Variants in RNF182 observed in about 807,000 individuals in gnomAD.
The protein encoded by RNF182 is ring finger protein 182.
RNF182 carries 15 observed loss-of-function variants against 14.4 expected under a neutral mutation model. The observed-to-expected ratio is 1.04, with a 90% confidence interval of 0.70 to 1.60. RNF182 has a LOEUF of 1.60. Ranked by LOEUF, RNF182 falls within the 40% of genes most tolerant of loss-of-function variation. RNF182 has a pLI of 0.00. For missense variants in RNF182, 268 were observed against 294.8 expected, an observed-to-expected ratio of 0.91 and a Z score of 0.67; for synonymous variants, 128 against 122.9, an observed-to-expected ratio of 1.04 and a Z score of -0.27.
intron 1 of RNF182, among the ~76,000 whole-genome samples, chr6:13,957,660 T>C (rs1759763846): frequency 6.6e-6 from 1 of 152,236 alleles, no homozygotes; most frequent in South Asian, 2.1e-4. Flanking sequence ...TTTTGGTTTG[T>C]GACTTTGTTT....
At chr6:13,956,247 G>A (rs372416095) in intron 1 of RNF182, among the ~76,000 whole-genome samples, 4 of 149,626 alleles carry the variant, frequency 2.7e-5, no homozygotes, top group African/African-American at 9.8e-5. Flanking sequence ...GTGACCAGCT[G>A]TCTGTTTTTA....
intron 1 of RNF182, among the ~76,000 whole-genome samples, chr6:13,932,832 A>G (rs563902866): frequency 1.3e-5 from 2 of 152,360 alleles, no homozygotes; most frequent in South Asian, 4.1e-4. Flanking sequence ...CTAAAAAGTA[A>G]TAATACAAGT....
intron 1 of RNF182, among the ~76,000 whole-genome samples, chr6:13,971,186 C>T (rs1334365913): frequency 6.6e-6 from 1 of 152,102 alleles, no homozygotes; most frequent in Non-Finnish European, 1.5e-5. Flanking sequence ...ATTCCCACAT[C>T]AAGGGTGGAG....
chr6:13,943,282 CTTTT>C (rs79895436), intron 1 of RNF182, among the ~76,000 whole-genome samples: 1 of 142,950 alleles, frequency 7.0e-6, no homozygotes, highest in African/African-American at 2.6e-5. Context: ...GTGGTTCCTG[CTTTT>C]TTTTTTTTTC....
At chr6:13,935,741 A>C (rs1211130111) in intron 1 of RNF182, among the ~76,000 whole-genome samples, 1 of 152,220 alleles carries the variant, frequency 6.6e-6, no homozygotes, top group African/African-American at 2.4e-5. Flanking sequence ...CATTGAATAC[A>C]TACTACAAAA....
At chr6:13,942,203 T>G (rs1759315503) in intron 1 of RNF182, among the ~76,000 whole-genome samples, 1 of 152,200 alleles carries the variant, frequency 6.6e-6, no homozygotes, top group Non-Finnish European at 1.5e-5. Flanking sequence ...TGTGCCTTTT[T>G]CCTCTGTGTG....
At chr6:13,970,809 AG>A (rs1274047111) in intron 1 of RNF182, among the ~76,000 whole-genome samples, 1 of 152,230 alleles carries the variant, frequency 6.6e-6, no homozygotes, top group African/African-American at 2.4e-5. Context: ...ATATGGAAAA[AG>A]TAAGTTGATC....
At chr6:13,956,588 G>GTGCTGGGA (rs1759738055) in intron 1 of RNF182, among the ~76,000 whole-genome samples, 1 of 152,080 alleles carries the variant, frequency 6.6e-6, no homozygotes, top group African/African-American at 2.4e-5. Context: ...GCCTCCCAGA[G>GTGCTGGGA]TGCTGGGATT....
chr6:13,964,646 TG>T (rs984110639), intron 1 of RNF182, among the ~76,000 whole-genome samples: 10 of 152,006 alleles, frequency 6.6e-5, no homozygotes, highest in African/African-American at 2.4e-4. Flanking sequence ...GGGGAGCAGA[TG>T]GGGGATTCCT....
chr6:13,955,126 G>T (rs1759694919), intron 1 of RNF182, among the ~76,000 whole-genome samples: 1 of 152,160 alleles, frequency 6.6e-6, no homozygotes, highest in Non-Finnish European at 1.5e-5. Flanking sequence ...AAATAGTTTT[G>T]GCTTTGAGGG....
intron 1 of RNF182, among the ~76,000 whole-genome samples, chr6:13,936,862 G>A (rs554474822): frequency 2.0e-5 from 3 of 152,206 alleles, no homozygotes; most frequent in Admixed American, 6.5e-5. Context: ...AGGGAACAGG[G>A]CATCATAAAA....
intron 1 of RNF182, among the ~76,000 whole-genome samples, chr6:13,940,484 C>T (rs1402764135): frequency 6.6e-6 from 1 of 152,078 alleles, no homozygotes; most frequent in African/African-American, 2.4e-5. Context: ...TTGATATTTA[C>T]AATCTGTGCC....
intron 1 of RNF182, among the ~76,000 whole-genome samples, chr6:13,947,367 G>A (rs1488964187): frequency 6.6e-6 from 1 of 152,142 alleles, no homozygotes; most frequent in Admixed American, 6.5e-5. Flanking sequence ...ACAAACCATG[G>A]TAGGACTGAT....
rs187994174 is a variant in RNF182 at position 13,976,963 on chromosome 6, T to C, written c.-157T>C. 2 of 767,238 alleles carry C rather than the reference T, an allele frequency of 2.6e-6. No individual in the cohort carries two copies. Among genetic ancestry groups the C allele is most frequent in the African/African-American group, 3.5e-5 (2 of 57,630 alleles). 47.5% of individuals were successfully genotyped at this position (767,238 alleles called of 1,614,324 possible). A position where few individuals can be genotyped will look rare whatever the true frequency, so the allele number is the denominator to read the frequency against. ...TTTGAGACAGAGTTATATGCAGAAGTTGAAAATGCCTGGAAGATTTCTGGT... is the reference window on the plus strand; with the variant it reads ...TTTGAGACAGAGTTATATGCAGAAGCTGAAAATGCCTGGAAGATTTCTGGT... On this transcript the variant is annotated 5_prime_UTR_variant, in exon 3 of 3. Coordinates refer to ENST00000488300, the MANE Select transcript of RNF182 (RefSeq NM_152737.4).
intron 1 of RNF182, among the ~76,000 whole-genome samples, chr6:13,942,642 A>G (rs1759327099): frequency 6.6e-6 from 1 of 152,168 alleles, no homozygotes; most frequent in Non-Finnish European, 1.5e-5. Context: ...ACCCCTGGCC[A>G]GTTTTAGAAT....
chr6:13,944,243 G>T (rs1759378776), intron 1 of RNF182, among the ~76,000 whole-genome samples: 1 of 152,122 alleles, frequency 6.6e-6, no homozygotes, highest in African/African-American at 2.4e-5. Flanking sequence ...GAAGGTCAGG[G>T]ACCTATTATC....
chr6:13,954,779 T>C (rs1404767700), intron 1 of RNF182, among the ~76,000 whole-genome samples: 1 of 152,216 alleles, frequency 6.6e-6, no homozygotes, highest in Non-Finnish European at 1.5e-5. Flanking sequence ...TTTAACTAAC[T>C]ACATCCCCAT....
chr6:13,935,630 A>G (rs776209223), intron 1 of RNF182, among the ~76,000 whole-genome samples: 9 of 152,210 alleles, frequency 5.9e-5, no homozygotes, highest in Non-Finnish European at 8.8e-5. Context: ...AAAAGATAGC[A>G]CATTAGTTAT....
At chr6:13,926,019 AACAGAT>A in intron 1 of RNF182, among the ~76,000 whole-genome samples, 1 of 152,322 alleles carries the variant, frequency 6.6e-6, no homozygotes, top group East Asian at 1.9e-4. Context: ...TATGAAAGAA[AACAGAT>A]ACATTTTCAG....
Sources: allele counts gnomAD v4.1 joint callset (sites outside exome capture counted in the v4.1 genomes callset), GRCh38; gene constraint gnomAD v4.1.1; transcripts MANE v1.5; gene names NCBI Gene and HGNC (gene_info 2026-07-23, HGNC 2026-07-21).